The following CAPN13 variants were observed in gnomAD, a reference collection of about 807,000 sequenced individuals.
CAPN13 encodes the protein calpain 13, also known as calpain-13.
CAPN13 carries 90 observed loss-of-function variants against 98.4 expected under a neutral mutation model. That is an observed-to-expected ratio of 0.92 (90% CI 0.77 to 1.09). The LOEUF (loss-of-function observed/expected upper bound fraction) is 1.09. Ranked by LOEUF, CAPN13 falls within the 50% of genes least tolerant of loss-of-function variation. CAPN13 has a pLI of 0.00. For synonymous variants in CAPN13, 330 were observed against 305.5 expected, an observed-to-expected ratio of 1.08 and a Z score of -0.84; for missense variants, 887 against 841.3, an observed-to-expected ratio of 1.05 and a Z score of -0.67.
chr2:30,738,284 C>T lies in CAPN13; in HGVS notation c.1604G>A (p.Gly535Glu), dbSNP rs1671477493. 1 of 1,613,790 alleles carries T rather than the reference C, an allele frequency of 6.2e-7. No homozygotes were observed. The highest frequency in any genetic ancestry group is 1.3e-5 in the African/African-American group (1 of 74,896). ...GCACTCATCTAAGGAGAACATGTCC[C>T]CTGGAGGTCCTGAGGAGAGAAGGAC... Reference protein sequence around the residue: ...LNQELLTGPPGDMFSLDECRS... With the variant: ...LNQELLTGPPEDMFSLDECRS... Residue 535 changes from glycine (G) to glutamate (E), a missense_variant, in exon 17 of 23, where the codon GGG becomes GAG. Gly to Glu is a moderately conservative substitution (Grantham distance 98, BLOSUM62 -2). Transcript: ENST00000295055.
chr2:30,795,959 A>G (rs2148096996), intron 1 of CAPN13, among the ~76,000 whole-genome samples: 1 of 151,884 alleles, frequency 6.6e-6, no homozygotes, highest in East Asian at 1.9e-4. Flanking sequence ...GAAGTCCAAC[A>G]TATATATCAA....
chr2:30,764,287 C>T lies in CAPN13; in HGVS notation c.544G>A (p.Asp182Asn), dbSNP rs200327194. Reference protein sequence around the residue: ...AYAKLLGSYSDLHYGFLEDAL... With the variant: ...AYAKLLGSYSNLHYGFLEDAL... ...TCCTCGAGGAAGCCATAGTGCAGATCGGAATAGGATCCGAGCAGCCTGGGA... is the reference window on the plus strand; with the variant it reads ...TCCTCGAGGAAGCCATAGTGCAGATTGGAATAGGATCCGAGCAGCCTGGGA... The change falls in exon 6 of 23, where the codon GAT becomes AAT. Residue 182 changes from aspartate to asparagine, a missense_variant. Physicochemically the swap from Asp to Asn is conservative, Grantham distance 23. Transcript: ENST00000295055. 2.4e-5 allele frequency: 39 copies of T among 1,613,764 alleles called. No homozygotes were observed. The highest frequency in any genetic ancestry group is 8.0e-5 in the African/African-American group (6 of 75,032).
intron 1 of CAPN13, among the ~76,000 whole-genome samples, chr2:30,797,815 C>T (rs1674963761): frequency 6.6e-6 from 1 of 152,240 alleles, no homozygotes; most frequent in Admixed American, 6.5e-5. Context: ...GCACCCTTGC[C>T]TCTGGCCCTA....
chr2:30,779,666 A>G (rs1249995578), intron 2 of CAPN13, among the ~76,000 whole-genome samples: 1 of 152,220 alleles, frequency 6.6e-6, no homozygotes, highest in Non-Finnish European at 1.5e-5. Flanking sequence ...TTATTAAACA[A>G]GATAGAATAA....
intron 4 of CAPN13, among the ~76,000 whole-genome samples, chr2:30,774,745 T>G (rs1472474068): frequency 6.6e-6 from 1 of 152,182 alleles, no homozygotes; most frequent in African/African-American, 2.4e-5. Context: ...TAATCAATGA[T>G]TAGCTCTCAT....
At position 30,791,344 on chromosome 2, in the gene CAPN13, G is replaced by A. The variant is rs539190967; in HGVS notation, c.-32-3987C>T. ...CTATGTCTTAGCAGTATCTTGATAT[G>A]CCAGCACCTAGCGCTAGGCCTGGCA... On this transcript the variant is annotated intron_variant, in intron 1 of 22. Coordinates refer to ENST00000295055, the MANE Select transcript of CAPN13 (RefSeq NM_144575.3). Among the ~76,000 whole-genome samples the A allele has an allele frequency of 7.2e-5, 11 of 152,320 alleles. No homozygotes were observed. The South Asian group carries it at 2.3e-3, about 32-fold the overall frequency.
At chr2:30,727,397 A>T (rs1389906552) in intron 22 of CAPN13, among the ~76,000 whole-genome samples, 2 of 152,190 alleles carry the variant, frequency 1.3e-5, no homozygotes, top group Admixed American at 6.5e-5. Flanking sequence ...AGGGGAGAAA[A>T]ATTTTGCAAA....
chr2:30,800,037 G>A (rs899346958), intron 1 of CAPN13, among the ~76,000 whole-genome samples: 7 of 151,520 alleles, frequency 4.6e-5, no homozygotes, highest in African/African-American at 1.7e-4. Context: ...TTGCGCCATT[G>A]CACTCCAGCC....
chr2:30,754,718 C>T (rs907396212), intron 8 of CAPN13, among the ~76,000 whole-genome samples: 1 of 152,114 alleles, frequency 6.6e-6, no homozygotes, highest in African/African-American at 2.4e-5. Flanking sequence ...CACACCCCCA[C>T]ATCCAAACAA....
At chr2:30,760,517 C>T (rs1005860671) in intron 7 of CAPN13, among the ~76,000 whole-genome samples, 7 of 152,176 alleles carry the variant, frequency 4.6e-5, no homozygotes, top group Non-Finnish European at 7.4e-5. Context: ...AACACTCACC[C>T]CTATGCCCAG....
At chr2:30,745,504 A>G (rs1379030330) in intron 12 of CAPN13, among the ~76,000 whole-genome samples, 1 of 152,226 alleles carries the variant, frequency 6.6e-6, no homozygotes, top group Non-Finnish European at 1.5e-5. Flanking sequence ...TGTTAGCAAG[A>G]GAACAGCTCA....
intron 14 of CAPN13, 137 bp downstream of exon 14, chr2:30,742,189 G>A: frequency 8.7e-7 from 1 of 1,152,958 alleles, no homozygotes; most frequent in Non-Finnish European, 1.2e-6. Context: ...CCGCCCCTTT[G>A]AGCCTTCATC....
intron 19 of CAPN13, among the ~76,000 whole-genome samples, chr2:30,732,892 T>C (rs955728588): frequency 7.9e-5 from 12 of 152,188 alleles, no homozygotes; most frequent in African/African-American, 2.9e-4. Context: ...TCTGTCAAAC[T>C]TCTCCTTGCT....
intron 2 of CAPN13, among the ~76,000 whole-genome samples, chr2:30,782,931 C>T (rs2148064412): frequency 6.6e-6 from 1 of 152,144 alleles, no homozygotes. Flanking sequence ...ACCTTTAATC[C>T]CTCAGTTGCA....
chr2:30,788,232 G>A (rs1253405290), intron 1 of CAPN13, among the ~76,000 whole-genome samples: 1 of 152,210 alleles, frequency 6.6e-6, no homozygotes, highest in Non-Finnish European at 1.5e-5. Flanking sequence ...TTCTCCACCT[G>A]TATGGATTGA....
chr2:30,764,216 C>A lies in CAPN13; in HGVS notation c.615G>T (p.Leu205=), dbSNP rs1474685565. 2 of 1,612,302 alleles carry A rather than the reference C, an allele frequency of 1.2e-6. No individual in the cohort carries two copies. Among genetic ancestry groups the A allele is most frequent in the Non-Finnish European group, 1.7e-6 (2 of 1,179,274 alleles). The change falls in exon 6 of 23, where the codon CTG becomes CTT. Residue 205 remains leucine, a synonymous_variant. Coordinates refer to ENST00000295055, the MANE Select transcript of CAPN13 (RefSeq NM_144575.3). The part of the protein sequence containing the change: ...LTGGVITNIH[L]HSSPVDLVKA... ...TCACCAGGTCCACAGGGGAAGAGTGCAGATGGATGTTGGTGATCACGCCTC... is the reference window on the plus strand; with the variant it reads ...TCACCAGGTCCACAGGGGAAGAGTGAAGATGGATGTTGGTGATCACGCCTC...
intron 11 of CAPN13, chr2:30,746,684 A>G (rs890051015): frequency 1.0e-5 from 2 of 195,192 alleles, no homozygotes; most frequent in Non-Finnish European, 2.1e-5. Context: ...CAAAAAATTT[A>G]TAAGTGGAAC....
chr2:30,757,498 T>C (rs566684667), intron 8 of CAPN13, among the ~76,000 whole-genome samples: 3 of 152,304 alleles, frequency 2.0e-5, no homozygotes, highest in South Asian at 2.1e-4. Context: ...TCCAGAGCAG[T>C]AGGGCAAGAC....
chr2:30,756,008 TC>T (rs1012925530), intron 8 of CAPN13, among the ~76,000 whole-genome samples: 1 of 151,994 alleles, frequency 6.6e-6, no homozygotes, highest in Non-Finnish European at 1.5e-5. Flanking sequence ...GATTATGCAG[TC>T]CCCGTCACTT....
Sources: gnomAD v4.1 joint callset for allele counts (sites outside exome capture counted in the v4.1 genomes callset) on GRCh38, gnomAD v4.1.1 for gene constraint, MANE v1.5 for transcripts, NCBI Gene and HGNC (gene_info 2026-07-23, HGNC 2026-07-21) for gene names.